The following APBA2 variants were observed in gnomAD, a reference collection of about 807,000 sequenced individuals.
APBA2 encodes the protein amyloid beta precursor protein binding family A member 2.
Under a neutral mutation model 75.0 loss-of-function variants are expected in APBA2, and 30 were observed. The ratio of observed to expected loss-of-function variants is 0.40; its 90% CI spans 0.30 to 0.54. The LOEUF is 0.54. APBA2 is among the 20% of genes least tolerant of loss of function. The probability of loss-of-function intolerance (pLI) is 0.49; values close to 1 mark genes in which losing one functional copy is unlikely to be tolerated. For missense variants in APBA2, 801 were observed against 1,016.1 expected (o/e 0.79, Z 2.88); for synonymous variants, 444 against 409.6 (o/e 1.08, Z -1.01).
chr15:29,052,272 G>A (rs556364188), intron 3 of APBA2, among the ~76,000 whole-genome samples: 1 of 151,954 alleles, frequency 6.6e-6, no homozygotes, highest in East Asian at 1.9e-4. Context: ...TAGCTAACAC[G>A]GTGAAACCCC....
At chr15:29,021,596 A>G (rs2039960189) in intron 3 of APBA2, among the ~76,000 whole-genome samples, 1 of 152,110 alleles carries the variant, frequency 6.6e-6, no homozygotes, top group Non-Finnish European at 1.5e-5. Context: ...CAGATCCATC[A>G]CCTGCTCACG....
At chr15:29,031,544 A>C (rs2040487811) in intron 3 of APBA2, among the ~76,000 whole-genome samples, 1 of 151,910 alleles carries the variant, frequency 6.6e-6, no homozygotes, top group African/African-American at 2.4e-5. Flanking sequence ...ATCTTGGCCC[A>C]CTGCAACCTC....
chr15:28,997,554 A>C (rs1566888399), intron 3 of APBA2, among the ~76,000 whole-genome samples: 1 of 152,204 alleles, frequency 6.6e-6, no homozygotes, highest in Non-Finnish European at 1.5e-5. Context: ...ATGGAGACAC[A>C]GCTCATGATT....
chr15:28,984,952 C>T (rs1331994075), intron 2 of APBA2, among the ~76,000 whole-genome samples: 2 of 151,982 alleles, frequency 1.3e-5, no homozygotes, highest in South Asian at 2.1e-4. Flanking sequence ...TCTCCCCCTC[C>T]GCCAACCACT....
chr15:29,034,233 T>G (rs940293627), intron 3 of APBA2, among the ~76,000 whole-genome samples: 3 of 152,182 alleles, frequency 2.0e-5, no homozygotes, highest in Non-Finnish European at 4.4e-5. Flanking sequence ...GAGCTCAATA[T>G]CTAGCCTTCC....
Position 29,105,459 on chromosome 15 carries a change from C to T in APBA2, c.1605C>T (p.Pro535=), listed in dbSNP as rs770411452. The change falls in exon 11 of 15, where the codon CCC becomes CCT. Residue 535 remains proline, a synonymous_variant. Transcript: ENST00000683413. ...QEFLRANGIN[P]EDLSQKEYSD... Reference sequence around the variant, plus strand: ...TCCTGCGAGCCAATGGCATCAACCCCGAAGACTTGAGCCAGAAGGAATACA... The same window carrying T: ...TCCTGCGAGCCAATGGCATCAACCCTGAAGACTTGAGCCAGAAGGAATACA... 1.8e-5 allele frequency: 29 copies of T among 1,613,754 alleles called. No homozygotes were observed. The South Asian group carries it at 1.9e-4, about 10-fold the overall frequency.
chr15:28,936,452 G>C (rs973155048), intron 2 of APBA2, among the ~76,000 whole-genome samples: 1 of 152,246 alleles, frequency 6.6e-6, no homozygotes, highest in East Asian at 1.9e-4. Flanking sequence ...GCGAATGGCT[G>C]TTCAGGTCAG....
At chr15:28,910,628 AAG>A (rs2033386128) in intron 1 of APBA2, among the ~76,000 whole-genome samples, 2 of 152,006 alleles carry the variant, frequency 1.3e-5, no homozygotes, top group African/African-American at 2.4e-5. Flanking sequence ...TTAGTTGGGA[AAG>A]AGAGCTCCCA....
intron 3 of APBA2, among the ~76,000 whole-genome samples, chr15:29,013,779 G>T (rs761940453): frequency 3.9e-5 from 6 of 152,240 alleles, no homozygotes; most frequent in Non-Finnish European, 8.8e-5. Context: ...TAATGGGACA[G>T]TGTAATTACT....
chr15:29,015,456 C>G (rs1595732099), intron 3 of APBA2, among the ~76,000 whole-genome samples: 1 of 152,200 alleles, frequency 6.6e-6, no homozygotes, highest in African/African-American at 2.4e-5. Flanking sequence ...CCTCTCCTGT[C>G]TGTGGTTTGC....
intron 2 of APBA2, among the ~76,000 whole-genome samples, chr15:28,952,037 C>T (rs920782968): frequency 7.2e-5 from 11 of 151,920 alleles, no homozygotes; most frequent in Non-Finnish European, 4.4e-5. Context: ...TATAGGCATG[C>T]ACCACCACGC....
At chr15:29,029,647 C>CTG (rs1030407123) in intron 3 of APBA2, among the ~76,000 whole-genome samples, 14 of 151,716 alleles carry the variant, frequency 9.2e-5, no homozygotes, top group African/African-American at 3.4e-4. Flanking sequence ...GGTGGAAGTT[C>CTG]TGTGTGGTAT....
At chr15:29,112,988 T>C (rs2044820475) in intron 13 of APBA2, among the ~76,000 whole-genome samples, 1 of 152,166 alleles carries the variant, frequency 6.6e-6, no homozygotes, top group African/African-American at 2.4e-5. Flanking sequence ...TCATGCAGCA[T>C]AGTGTCCCCG....
Position 28,918,167 on chromosome 15 carries a change from A to C in APBA2, c.-204-3473A>C, listed in dbSNP as rs554308703. The stretch of plus-strand genomic sequence containing the variant: ...TGAGGTGGTCTGCTTTGAGTTTTGC[A>C]GCGTTGCCTGCGGTCTCCGTGGGTG... On this transcript the variant is annotated intron_variant, in intron 1 of 14. Coordinates refer to ENST00000683413, the MANE Select transcript of APBA2 (RefSeq NM_001353788.2). The surrounding 1 kb of genome is among the most constrained non-coding windows in gnomAD (Gnocchi z 4.2). 6.6e-6 allele frequency among the ~76,000 whole-genome samples: 1 copy of C among 152,250 alleles called. No individual in the cohort carries two copies. Among genetic ancestry groups the C allele is most frequent in the South Asian group, 2.1e-4 (1 of 4,818 alleles).
At chr15:28,965,571 C>T (rs1205589471) in intron 2 of APBA2, among the ~76,000 whole-genome samples, 2 of 152,158 alleles carry the variant, frequency 1.3e-5, no homozygotes, top group Non-Finnish European at 2.9e-5. Context: ...CAGAATCGAC[C>T]TTTTAACTAT....
At chr15:28,939,284 G>T (rs889870332) in intron 2 of APBA2, among the ~76,000 whole-genome samples, 1 of 152,188 alleles carries the variant, frequency 6.6e-6, no homozygotes, top group Non-Finnish European at 1.5e-5. Flanking sequence ...GGTTGGTTCC[G>T]CCATTTGGAT....
intron 3 of APBA2, among the ~76,000 whole-genome samples, chr15:29,031,652 G>T (rs772174036): frequency 7.9e-5 from 12 of 152,116 alleles, no homozygotes; most frequent in Non-Finnish European, 1.5e-4. Flanking sequence ...CTGCTGATTG[G>T]TGCATGTTAC....
At chr15:28,977,979 G>C (rs556244514) in intron 2 of APBA2, among the ~76,000 whole-genome samples, 1 of 152,292 alleles carries the variant, frequency 6.6e-6, no homozygotes, top group East Asian at 1.9e-4. Context: ...CTGCCACTCA[G>C]GGGCTGTGTG....
chr15:28,928,253 C>T (rs1312996915), intron 2 of APBA2, among the ~76,000 whole-genome samples: 1 of 151,988 alleles, frequency 6.6e-6, no homozygotes, highest in Admixed American at 6.6e-5. Flanking sequence ...GGTAAACAGG[C>T]CTTTAACGTG....
Sources: allele counts gnomAD v4.1 joint callset (sites outside exome capture counted in the v4.1 genomes callset), GRCh38; gene constraint gnomAD v4.1.1; non-coding constraint Gnocchi (gnomAD v3.1); transcripts MANE v1.5; gene names NCBI Gene and HGNC (gene_info 2026-07-23, HGNC 2026-07-21).